The following NKAIN2 variants were observed in gnomAD, a reference collection of about 807,000 sequenced individuals.
The protein encoded by NKAIN2 is sodium/potassium-transporting ATPase subunit beta-1-interacting protein 2.
NKAIN2 carries 14 observed loss-of-function variants against 32.6 expected under a neutral mutation model. That is an observed-to-expected ratio of 0.43 (90% CI 0.28 to 0.67). The LOEUF is 0.67. Ranked by LOEUF, NKAIN2 falls within the 30% of genes least tolerant of loss-of-function variation. NKAIN2 has a pLI of 0.17. For missense variants in NKAIN2, 198 were observed against 258.3 expected, an observed-to-expected ratio of 0.77 and a Z score of 1.60; for synonymous variants, 80 against 87.2, an observed-to-expected ratio of 0.92 and a Z score of 0.46.
intron 3 of NKAIN2, among the ~76,000 whole-genome samples, chr6:124,639,117 A>G (rs1783890215): frequency 6.6e-6 from 1 of 152,134 alleles, no homozygotes; most frequent in South Asian, 2.1e-4. Flanking sequence ...AGGAACTCTT[A>G]TACACCATTG....
intron 3 of NKAIN2, among the ~76,000 whole-genome samples, chr6:124,408,446 A>C (rs1773976809): frequency 1.3e-5 from 2 of 152,216 alleles, no homozygotes; most frequent in Non-Finnish European, 2.9e-5. Context: ...CCATTTATTA[A>C]ATAGGGAATC....
rs532875172 is a variant in NKAIN2 at position 124,576,380 on chromosome 6, T to G, written c.274-81806T>G. ...GAAAATGGACAAATGCGCCTGTCAT[T>G]TCAAGCGGTAGAACTCAAATTTGAT... On this transcript the variant is annotated intron_variant, in intron 3 of 6. Coordinates refer to ENST00000368417, the MANE Select transcript of NKAIN2 (RefSeq NM_001040214.3). 1.1e-4 allele frequency among the ~76,000 whole-genome samples: 17 copies of G among 152,328 alleles called. No individual in the cohort carries two copies. In the East Asian group the frequency reaches 3.1e-3, roughly 28 times the overall value.
intron 1 of NKAIN2, among the ~76,000 whole-genome samples, chr6:123,949,140 A>C (rs1777211528): frequency 6.6e-6 from 1 of 152,038 alleles, no homozygotes; most frequent in African/African-American, 2.4e-5. Context: ...TTATACAAAT[A>C]CCATCCTGTT....
chr6:124,314,673 C>A, intron 2 of NKAIN2, among the ~76,000 whole-genome samples: 1 of 152,128 alleles, frequency 6.6e-6, no homozygotes, highest in Non-Finnish European at 1.5e-5. Flanking sequence ...TGAATCCTGT[C>A]CCCTGAAAAG....
chr6:124,481,023 C>T (rs1220765160), intron 3 of NKAIN2, among the ~76,000 whole-genome samples: 1 of 152,066 alleles, frequency 6.6e-6, no homozygotes, highest in Non-Finnish European at 1.5e-5. Context: ...CTGAAAAAAG[C>T]ACAGCCTCAG....
At chr6:124,227,560 A>G (rs1309396877) in intron 1 of NKAIN2, among the ~76,000 whole-genome samples, 1 of 152,192 alleles carries the variant, frequency 6.6e-6, no homozygotes, top group Non-Finnish European at 1.5e-5. Context: ...CAATGTTATA[A>G]TTTTAAATTT....
chr6:123,954,340 C>G (rs1777468272), intron 1 of NKAIN2, among the ~76,000 whole-genome samples: 1 of 152,196 alleles, frequency 6.6e-6, no homozygotes, highest in South Asian at 2.1e-4. Context: ...TTGGGGCCAT[C>G]AGGGCCTAGG....
chr6:123,963,252 G>A (rs1777931927), intron 1 of NKAIN2, among the ~76,000 whole-genome samples: 1 of 152,006 alleles, frequency 6.6e-6, no homozygotes, highest in African/African-American at 2.4e-5. Context: ...AATGTTTTTG[G>A]AGTGATGAAA....
intron 3 of NKAIN2, among the ~76,000 whole-genome samples, chr6:124,551,813 T>C (rs1780297525): frequency 6.6e-6 from 1 of 152,168 alleles, no homozygotes. Context: ...TGAAAACAAA[T>C]TGATGCAGGG....
intron 3 of NKAIN2, among the ~76,000 whole-genome samples, chr6:124,372,011 A>G (rs1799792458): frequency 6.6e-6 from 1 of 152,140 alleles, no homozygotes; most frequent in South Asian, 2.1e-4. Context: ...TCTCTTGACA[A>G]CTGTGGAATT....
chr6:124,330,065 G>T (rs1334577171), intron 2 of NKAIN2, among the ~76,000 whole-genome samples: 2 of 152,174 alleles, frequency 1.3e-5, no homozygotes, highest in African/African-American at 4.8e-5. Flanking sequence ...TGGGGATTGA[G>T]CATTGCTCTG....
intron 3 of NKAIN2, among the ~76,000 whole-genome samples, chr6:124,539,428 C>G (rs1027491513): frequency 6.6e-6 from 1 of 151,670 alleles, no homozygotes; most frequent in African/African-American, 2.4e-5. Context: ...CATGTATGCT[C>G]TCACTTAATT....
intron 1 of NKAIN2, among the ~76,000 whole-genome samples, chr6:123,970,864 G>C (rs12191053): frequency 1.3e-5 from 2 of 151,660 alleles, no homozygotes; most frequent in Non-Finnish European, 2.9e-5. Flanking sequence ...CCTGGTCGAC[G>C]AAGTGAATCT....
intron 2 of NKAIN2, among the ~76,000 whole-genome samples, chr6:124,339,555 C>T (rs1798032954): frequency 6.6e-6 from 1 of 152,034 alleles, no homozygotes; most frequent in Non-Finnish European, 1.5e-5. Flanking sequence ...TCTTCAACCC[C>T]CTCTCTGCTC....
At chr6:124,781,255 C>G (rs567105167) in intron 4 of NKAIN2, among the ~76,000 whole-genome samples, 6 of 152,098 alleles carry the variant, frequency 3.9e-5, no homozygotes, top group Non-Finnish European at 7.4e-5. Context: ...CTCATTATGT[C>G]TGAATCTTGG....
At chr6:124,162,403 A>G (rs1222488601) in intron 1 of NKAIN2, among the ~76,000 whole-genome samples, 1 of 152,144 alleles carries the variant, frequency 6.6e-6, no homozygotes, top group African/African-American at 2.4e-5. Context: ...ATGGTATTAA[A>G]TATAAATGGA....
intron 1 of NKAIN2, among the ~76,000 whole-genome samples, chr6:124,005,409 CA>C (rs1296491461): frequency 6.6e-6 from 1 of 151,562 alleles, no homozygotes; most frequent in Non-Finnish European, 1.5e-5. Flanking sequence ...TTTTTAGAAC[CA>C]GTTAATACAT....
At chr6:123,868,604 A>G (rs1277939456) in intron 1 of NKAIN2, among the ~76,000 whole-genome samples, 2 of 152,204 alleles carry the variant, frequency 1.3e-5, no homozygotes, top group East Asian at 3.9e-4. Flanking sequence ...GAATATGAAT[A>G]TACAAATAGT....
At chr6:124,539,459 G>A (rs1217275339) in intron 3 of NKAIN2, among the ~76,000 whole-genome samples, 1 of 151,128 alleles carries the variant, frequency 6.6e-6, no homozygotes, top group African/African-American at 2.4e-5. Flanking sequence ...CCTTTTGCAT[G>A]TATACAAGTT....
Sources: allele counts gnomAD v4.1 joint callset (sites outside exome capture counted in the v4.1 genomes callset), GRCh38; gene constraint gnomAD v4.1.1; transcripts MANE v1.5; gene names NCBI Gene and HGNC (gene_info 2026-07-23, HGNC 2026-07-21).